KLF8: variants seen among roughly 807,000 people sequenced by gnomAD.
KLF8 encodes the protein KLF transcription factor 8, also known as Krueppel-like factor 8.
Under a neutral mutation model 18.2 loss-of-function variants are expected in KLF8, and 10 were observed. The observed-to-expected ratio is 0.55, with a 90% CI of 0.34 to 0.93. The LOEUF is 0.93. KLF8 is among the 40% of genes least tolerant of loss of function. The pLI is 0.02. For synonymous variants in KLF8, 109 were observed against 97.3 expected, an observed-to-expected ratio of 1.12 and a Z score of -0.71; for missense variants, 264 against 277.9, an observed-to-expected ratio of 0.95 and a Z score of 0.36.
At chrX:56,071,379 A>G in the KLF8 span, among the ~76,000 whole-genome samples, 2 of 111,810 alleles carry the variant, frequency 1.8e-5, no homozygotes, top group African/African-American at 6.5e-5. Context: ...TAAGTGGCAT[A>G]AGAAGATCAC....
chrX:56,196,031 C>T, the KLF8 span, among the ~76,000 whole-genome samples: 1 of 111,189 alleles, frequency 9.0e-6, no homozygotes, highest in African/African-American at 3.3e-5. Context: ...CAAGCAGATG[C>T]TGAGAGATTA....
chrX:55,932,407 C>T, the KLF8 span, among the ~76,000 whole-genome samples: 6 of 111,056 alleles, frequency 5.4e-5, no homozygotes, highest in African/African-American at 2.0e-4. Context: ...TTGATTCTGT[C>T]ATTATGATGA....
the KLF8 span, among the ~76,000 whole-genome samples, chrX:56,188,231 C>G: frequency 9.0e-6 from 1 of 111,414 alleles, no homozygotes; most frequent in East Asian, 2.8e-4. Context: ...CAATAACAGA[C>G]AAACAGACAG....
the KLF8 span, among the ~76,000 whole-genome samples, chrX:55,948,833 TC>T: frequency 8.9e-6 from 1 of 112,035 alleles, no homozygotes; most frequent in Admixed American, 9.5e-5. Flanking sequence ...TTACTAAACT[TC>T]CCAATGTGTC....
the KLF8 span, among the ~76,000 whole-genome samples, chrX:56,067,728 C>A: frequency 2.7e-5 from 3 of 111,978 alleles, no homozygotes; most frequent in Admixed American, 9.4e-5. Context: ...GGGAGAATCC[C>A]CCTTCCCCCG....
At chrX:56,259,375 C>T (rs2147633631) in intron 2 of KLF8, among the ~76,000 whole-genome samples, 1 of 110,969 alleles carries the variant, frequency 9.0e-6, no homozygotes, top group East Asian at 2.8e-4. Flanking sequence ...CTGGCTCATA[C>T]CTTTCTTTTT....
the KLF8 span, among the ~76,000 whole-genome samples, chrX:56,058,220 G>A: frequency 6.5e-4 from 16 of 24,609 alleles, no homozygotes; most frequent in African/African-American, 1.2e-3. Context: ...ATATATACGT[G>A]TATATATATA....
the KLF8 span, among the ~76,000 whole-genome samples, chrX:56,055,768 T>C: frequency 9.0e-6 from 1 of 111,565 alleles, no homozygotes; most frequent in Admixed American, 9.5e-5. Context: ...ATTTTTTTAA[T>C]TTTTTTTCTC....
chrX:55,960,916 A>T, the KLF8 span, among the ~76,000 whole-genome samples: 3 of 111,714 alleles, frequency 2.7e-5, no homozygotes, highest in African/African-American at 9.8e-5. Context: ...GAAGCTAGAC[A>T]CAACTGTATG....
the KLF8 span, among the ~76,000 whole-genome samples, chrX:56,114,203 C>T: frequency 1.7e-4 from 19 of 112,116 alleles, no homozygotes; most frequent in African/African-American, 6.2e-4. Context: ...ACCGCCCAGT[C>T]TCCTTGGCAC....
chrX:56,239,479 G>A (rs941342254), intron 1 of KLF8, among the ~76,000 whole-genome samples: 2 of 112,268 alleles, frequency 1.8e-5, no homozygotes, highest in Non-Finnish European at 3.8e-5. Flanking sequence ...GCAGTGGGCT[G>A]CCAGTTTTCT....
chrX:56,077,220 C>T, the KLF8 span, among the ~76,000 whole-genome samples: 3 of 111,846 alleles, frequency 2.7e-5, no homozygotes, highest in Admixed American at 9.5e-5. Flanking sequence ...CTTGCCCATG[C>T]CTATGTCCTG....
chrX:56,034,608 C>T, the KLF8 span, among the ~76,000 whole-genome samples: 1 of 110,992 alleles, frequency 9.0e-6, no homozygotes, highest in African/African-American at 3.3e-5. Context: ...GGGTAACTAA[C>T]ATATTTATCA....
the KLF8 span, among the ~76,000 whole-genome samples, chrX:56,184,867 C>T: frequency 3.6e-5 from 4 of 111,959 alleles, no homozygotes; most frequent in Admixed American, 3.8e-4. Flanking sequence ...CACCAAAAAC[C>T]CATCTGTACA....
the KLF8 span, among the ~76,000 whole-genome samples, chrX:56,033,448 G>A: frequency 9.0e-6 from 1 of 110,632 alleles, no homozygotes; most frequent in Non-Finnish European, 1.9e-5. Context: ...TTTATATGCT[G>A]GCTATTTTGA....
At chrX:56,139,864 T>C in the KLF8 span, among the ~76,000 whole-genome samples, 2 of 111,483 alleles carry the variant, frequency 1.8e-5, no homozygotes, top group South Asian at 7.5e-4. Context: ...GAGAATACAT[T>C]TGCAAATTAT....
the KLF8 span, among the ~76,000 whole-genome samples, chrX:56,111,956 A>G: frequency 8.9e-6 from 1 of 111,764 alleles, no homozygotes; most frequent in Admixed American, 9.5e-5. Flanking sequence ...CAGAAATACA[A>G]TTTGACCCAG....
At chrX:56,125,199 C>A in the KLF8 span, among the ~76,000 whole-genome samples, 1 of 111,858 alleles carries the variant, frequency 8.9e-6, no homozygotes, top group African/African-American at 3.3e-5. Flanking sequence ...TTTTCTTTCA[C>A]TCCTCCATCC....
the KLF8 span, among the ~76,000 whole-genome samples, chrX:56,123,713 G>T: frequency 8.9e-6 from 1 of 111,846 alleles, no homozygotes; most frequent in Non-Finnish European, 1.9e-5. Context: ...CTCTAAGATG[G>T]GATACTGTGA....
Sources: allele counts gnomAD v4.1 joint callset (sites outside exome capture counted in the v4.1 genomes callset), GRCh38; gene constraint gnomAD v4.1.1; transcripts MANE v1.5; gene names NCBI Gene and HGNC (gene_info 2026-07-23, HGNC 2026-07-21).